The following CDH13 variants were observed in gnomAD, a reference collection of about 807,000 sequenced individuals.
CDH13 encodes the protein cadherin-13.
In CDH13, 24 loss-of-function variants were observed where a neutral mutation model predicts 63.8. The ratio of observed to expected loss-of-function variants is 0.38; its 90% confidence interval spans 0.27 to 0.53. CDH13 has a LOEUF of 0.53. Ranked by LOEUF, CDH13 falls within the 20% of genes least tolerant of loss-of-function variation. The pLI is 0.85. For missense variants in CDH13, 1,049 were observed against 903.1 expected, an observed-to-expected ratio of 1.16 and a Z score of -2.07; for synonymous variants, 503 against 355.3, an observed-to-expected ratio of 1.42 and a Z score of -4.67.
At chr16:82,818,517 G>A (rs985113606) in intron 1 of CDH13, among the ~76,000 whole-genome samples, 3 of 152,124 alleles carry the variant, frequency 2.0e-5, no homozygotes, top group African/African-American at 7.2e-5. Flanking sequence ...ATACAAGAGG[G>A]AATAACATTT....
chr16:82,667,709 T>C lies in CDH13; in HGVS notation c.45+40572T>C, dbSNP rs572139550. On this transcript the variant is annotated intron_variant, in intron 1 of 13. Transcript: ENST00000567109. The stretch of plus-strand genomic sequence containing the variant: ...AGTGCACCCATGATGTTTGGTGCAG[T>C]CTTGAAAGCGCAGTCACTATGGAGC... Among the ~76,000 whole-genome samples the C allele has an allele frequency of 3.3e-5, 5 of 152,152 alleles. No homozygotes were observed. The East Asian group carries it at 9.7e-4, about 30-fold the overall frequency.
chr16:83,652,394 A>C (rs7203252), intron 8 of CDH13, among the ~76,000 whole-genome samples: 132,011 of 152,134 alleles, frequency 0.87, 57,316 homozygotes, highest in Admixed American at 0.89. Flanking sequence ...GAGATTAGAC[A>C]TGTGCTTTCT....
At chr16:83,644,523 A>T (rs949405966) in intron 8 of CDH13, among the ~76,000 whole-genome samples, 6 of 152,214 alleles carry the variant, frequency 3.9e-5, no homozygotes, top group African/African-American at 1.4e-4. Context: ...AGCACTTTAC[A>T]TTGCAGTTTA....
intron 6 of CDH13, among the ~76,000 whole-genome samples, chr16:83,416,704 G>A (rs1369067453): frequency 6.6e-6 from 1 of 152,114 alleles, no homozygotes; most frequent in Non-Finnish European, 1.5e-5. Flanking sequence ...CTATTCATAG[G>A]TTGAAAAGAG....
chr16:83,322,432 G>A (rs145297039), intron 5 of CDH13, among the ~76,000 whole-genome samples: 95 of 152,262 alleles, frequency 6.2e-4, no homozygotes, highest in Non-Finnish European at 1.0e-3. Context: ...GCACTCACTC[G>A]GTGATGATTC....
chr16:82,919,986 A>G (rs1567662187), intron 2 of CDH13, among the ~76,000 whole-genome samples: 1 of 152,246 alleles, frequency 6.6e-6, no homozygotes, highest in Non-Finnish European at 1.5e-5. Flanking sequence ...AAAGAGTAAT[A>G]TCGAGATCAA....
intron 1 of CDH13, among the ~76,000 whole-genome samples, chr16:82,846,040 A>G (rs536489825): frequency 3.3e-5 from 5 of 152,344 alleles, no homozygotes; most frequent in East Asian, 1.9e-4. Context: ...GAGGGCATGC[A>G]TGAGTCCTAT....
At chr16:82,797,384 C>T (rs1475418962) in intron 1 of CDH13, among the ~76,000 whole-genome samples, 1 of 152,164 alleles carries the variant, frequency 6.6e-6, no homozygotes, top group Non-Finnish European at 1.5e-5. Flanking sequence ...TAGTGCAGAG[C>T]CCTGGACCAA....
chr16:83,148,738 G>T (rs909162821), intron 4 of CDH13, among the ~76,000 whole-genome samples: 1 of 152,182 alleles, frequency 6.6e-6, no homozygotes. Flanking sequence ...GCAGGCAGGT[G>T]TGAATGGCAC....
intron 2 of CDH13, among the ~76,000 whole-genome samples, chr16:83,008,618 C>A (rs1044137648): frequency 6.6e-6 from 1 of 152,108 alleles, no homozygotes; most frequent in Non-Finnish European, 1.5e-5. Flanking sequence ...ATACTTGGAC[C>A]TTTGCTGTGT....
chr16:82,876,364 T>C (rs2040502977), intron 2 of CDH13, among the ~76,000 whole-genome samples: 2 of 152,246 alleles, frequency 1.3e-5, no homozygotes, highest in African/African-American at 2.4e-5. Context: ...AATTAAATAA[T>C]CTTTGAATTG....
chr16:83,176,337 C>T (rs1367622483), intron 4 of CDH13, among the ~76,000 whole-genome samples: 2 of 151,498 alleles, frequency 1.3e-5, no homozygotes, highest in Non-Finnish European at 1.5e-5. Context: ...TGGTGAAACC[C>T]TGTCTCTTCT....
At chr16:83,325,643 G>A (rs1479187426) in intron 5 of CDH13, among the ~76,000 whole-genome samples, 4 of 152,078 alleles carry the variant, frequency 2.6e-5, no homozygotes, top group East Asian at 1.9e-4. Flanking sequence ...ACCATAACTC[G>A]ACGACCTCTA....
intron 2 of CDH13, among the ~76,000 whole-genome samples, chr16:82,971,446 A>T (rs977567360): frequency 2.0e-5 from 3 of 152,176 alleles, no homozygotes; most frequent in Non-Finnish European, 4.4e-5. Flanking sequence ...ACCCTGTGAG[A>T]TGTGTATCAT....
rs1457977071 is a variant in CDH13 at position 83,724,398 on chromosome 16, GGGTGAGTGATGAATGCATA to G, written c.1539-23700_1539-23682del. Among the ~76,000 whole-genome samples the G allele has an allele frequency of 4.7e-4, 70 of 148,932 alleles. No homozygotes were observed. The South Asian group carries it at 7.4e-3, about 16-fold the overall frequency. Reference sequence around the variant, plus strand: ...ATGCATGGGTGGGTGATGAATGCATGGGTGAGTGATGAATGCATAGGTGAGTGAGGAATGCATGGGTGGA... The same window carrying G: ...ATGCATGGGTGGGTGATGAATGCATGGGTGAGTGAGGAATGCATGGGTGGA... On this transcript the variant is annotated intron_variant, in intron 10 of 13. Coordinates refer to ENST00000567109, the MANE Select transcript of CDH13 (RefSeq NM_001257.5).
intron 1 of CDH13, among the ~76,000 whole-genome samples, chr16:82,710,552 A>AAAATATATATATATATATATAT: frequency 1.6e-5 from 1 of 63,766 alleles, no homozygotes; most frequent in Non-Finnish European, 3.0e-5. Context: ...AAAAAAAAAA[A>AAAATATATATATATATATATAT]ATATATATAT....
intron 4 of CDH13, among the ~76,000 whole-genome samples, chr16:83,127,859 C>G (rs1023138553): frequency 6.6e-6 from 1 of 152,114 alleles, no homozygotes; most frequent in Non-Finnish European, 1.5e-5. Flanking sequence ...AAGCAAAAAT[C>G]TTTTTAAGAG....
chr16:83,050,071 C>G (rs540391417), intron 3 of CDH13, among the ~76,000 whole-genome samples: 27 of 152,240 alleles, frequency 1.8e-4, no homozygotes, highest in African/African-American at 6.3e-4. Flanking sequence ...GCTCTCTTAT[C>G]TGGATTTCAT....
rs1907135163 is a variant in CDH13 at position 83,595,145 on chromosome 16, A to C, written c.961-7309A>C. On this transcript the variant is annotated intron_variant, in intron 7 of 13. Transcript: ENST00000567109. ...CAAATAAAATCAGAGGAGCCAATTT[A>C]AGTTTTCCAGTTTTGACACAGTGCA... is the stretch of plus-strand genomic sequence containing the variant. Among the ~76,000 whole-genome samples, 4 of 152,338 alleles carry C rather than the reference A, an allele frequency of 2.6e-5. 1 individual carries two copies. The South Asian group carries it at 8.3e-4, about 32-fold the overall frequency.
Sources: allele counts gnomAD v4.1 joint callset (sites outside exome capture counted in the v4.1 genomes callset), GRCh38; gene constraint gnomAD v4.1.1; transcripts MANE v1.5; gene names NCBI Gene and HGNC (gene_info 2026-07-23, HGNC 2026-07-21).